Variants in COMMD1 observed in about 807,000 individuals in gnomAD.
COMMD1 encodes the protein COMM domain-containing protein 1.
Under a neutral mutation model 17.2 loss-of-function variants are expected in COMMD1, and 10 were observed. The ratio of observed to expected loss-of-function variants is 0.58; its 90% CI spans 0.36 to 0.99. COMMD1 has a LOEUF of 0.99. Ranked by LOEUF, COMMD1 falls within the 50% of genes least tolerant of loss-of-function variation. The pLI, the probability that COMMD1 is intolerant of heterozygous loss-of-function variation, is 0.01. For synonymous variants in COMMD1, 97 were observed against 91.6 expected (o/e 1.06, Z -0.34); for missense variants, 270 against 231.8 (o/e 1.17, Z -1.07).
chr2:61,990,695 A>T (rs952020464), intron 1 of COMMD1, among the ~76,000 whole-genome samples: 2 of 151,232 alleles, frequency 1.3e-5, no homozygotes, highest in Non-Finnish European at 2.9e-5. Context: ...GTGCAGGGAA[A>T]CTCCCATTTT....
intron 2 of COMMD1, among the ~76,000 whole-genome samples, chr2:62,096,045 C>A (rs1272626746): frequency 6.6e-6 from 1 of 151,058 alleles, no homozygotes; most frequent in African/African-American, 2.4e-5. Context: ...ATTCCATATT[C>A]AAAAGTTTGT....
chr2:62,031,430 A>G (rs1239478015), intron 2 of COMMD1, among the ~76,000 whole-genome samples: 2 of 152,210 alleles, frequency 1.3e-5, no homozygotes, highest in East Asian at 3.8e-4. Flanking sequence ...TTTCTATCCC[A>G]TTAATTGGCT....
At chr2:62,119,974 AT>A (rs530811518) in intron 2 of COMMD1, among the ~76,000 whole-genome samples, 96 of 151,792 alleles carry the variant, frequency 6.3e-4, no homozygotes, top group South Asian at 1.7e-3. Context: ...TTGTTTATTT[AT>A]TTTTTTTATT....
At chr2:62,081,388 A>G (rs900935108) in intron 2 of COMMD1, among the ~76,000 whole-genome samples, 2 of 151,778 alleles carry the variant, frequency 1.3e-5, no homozygotes, top group Non-Finnish European at 2.9e-5. Flanking sequence ...AATAGCTAGG[A>G]TTACAGGAAT....
At chr2:61,930,891 A>G (rs753219431) in intron 1 of COMMD1, among the ~76,000 whole-genome samples, 6 of 152,142 alleles carry the variant, frequency 3.9e-5, no homozygotes, top group African/African-American at 1.2e-4. Flanking sequence ...CTGCCTAGGT[A>G]TGCTAACTCA....
chr2:62,025,033 C>T (rs1669718203), intron 2 of COMMD1, among the ~76,000 whole-genome samples: 1 of 152,116 alleles, frequency 6.6e-6, no homozygotes, highest in Non-Finnish European at 1.5e-5. Context: ...TCAAGACCAG[C>T]CTGGCCAAGA....
chr2:62,064,992 CCCCATCTCT>C (rs1670987564), intron 2 of COMMD1, among the ~76,000 whole-genome samples: 2 of 152,076 alleles, frequency 1.3e-5, no homozygotes, highest in Non-Finnish European at 2.9e-5. Flanking sequence ...CATGGCGAAA[CCCCATCTCT>C]ACTAAAAAAT....
At chr2:61,976,199 A>G (rs1175135168) in intron 1 of COMMD1, among the ~76,000 whole-genome samples, 1 of 104,128 alleles carries the variant, frequency 9.6e-6, no homozygotes, top group Admixed American at 9.2e-5. Flanking sequence ...TAGAGTAACT[A>G]AAAAAAAAAA....
upstream of COMMD1, among the ~76,000 whole-genome samples, chr2:61,904,152 A>G (rs1013124869): frequency 6.6e-6 from 1 of 151,676 alleles, no homozygotes; most frequent in African/African-American, 2.4e-5. Flanking sequence ...CTGGGACTAC[A>G]GGCGCCCGCC....
chr2:62,042,713 A>T (rs945451412), intron 2 of COMMD1, among the ~76,000 whole-genome samples: 3 of 152,176 alleles, frequency 2.0e-5, no homozygotes, highest in Admixed American at 2.0e-4. Context: ...GAGGCTGAGG[A>T]GGTGCCGAGA....
upstream of COMMD1, among the ~76,000 whole-genome samples, chr2:61,904,838 C>A (rs1395870782): frequency 6.6e-6 from 1 of 152,182 alleles, no homozygotes; most frequent in Non-Finnish European, 1.5e-5. Flanking sequence ...CAGTCACTAC[C>A]CATTCGTCCC....
At position 61,921,938 on chromosome 2, in the gene COMMD1, A is replaced by T. The variant is rs181753936; in HGVS notation, c.180+16080A>T. 1.1e-3 allele frequency among the ~76,000 whole-genome samples: 169 copies of T among 151,898 alleles called. 1 individual carries two copies. The highest frequency in any genetic ancestry group is 6.8e-3 in the Middle Eastern group (2 of 294). ...ACAGTTATTCTTGTTCTTTATTTAA[A>T]TTTTTTTTCCAGGACCACTAGTAAG... is the stretch of plus-strand genomic sequence containing the variant. On this transcript the variant is annotated intron_variant, in intron 1 of 2. Transcript: ENST00000311832.
intron 1 of COMMD1, among the ~76,000 whole-genome samples, chr2:61,960,333 C>T (rs947876704): frequency 3.3e-5 from 5 of 151,988 alleles, no homozygotes; most frequent in African/African-American, 7.3e-5. Flanking sequence ...AATACAGTGG[C>T]GGGGGAGTTG....
At chr2:62,015,712 T>TC (rs1445989822) in intron 2 of COMMD1, among the ~76,000 whole-genome samples, 2 of 146,670 alleles carry the variant, frequency 1.4e-5, no homozygotes, top group Non-Finnish European at 3.0e-5. Flanking sequence ...TTTTTTTTCT[T>TC]TTTTTTTTTT....
At chr2:62,030,336 C>T (rs754246213) in intron 2 of COMMD1, among the ~76,000 whole-genome samples, 2 of 152,062 alleles carry the variant, frequency 1.3e-5, no homozygotes, top group Admixed American at 6.6e-5. Context: ...TGGCTGACCT[C>T]GGGGGAGAAT....
Position 61,921,343 on chromosome 2 carries a change from A to G in COMMD1, c.180+15485A>G, listed in dbSNP as rs866852516. Among the ~76,000 whole-genome samples the G allele has an allele frequency of 4.3e-4, 66 of 152,298 alleles. No homozygotes were observed. In the Middle Eastern group the frequency reaches 0.01, roughly 24 times the overall value. ...TTTGTAACCATTTAAAATGTGTTAA[A>G]TTCTTGGCTTTAGTCATTTACAGAA... is the stretch of plus-strand genomic sequence containing the variant. On this transcript the variant is annotated intron_variant, in intron 1 of 2. Coordinates refer to ENST00000311832, the MANE Select transcript of COMMD1 (RefSeq NM_152516.4).
chr2:61,962,989 C>T (rs1409678057), intron 1 of COMMD1, among the ~76,000 whole-genome samples: 2 of 151,726 alleles, frequency 1.3e-5, no homozygotes, highest in Non-Finnish European at 2.9e-5. Context: ...GGTGAAACCC[C>T]ATCTCTACTA....
intron 1 of COMMD1, among the ~76,000 whole-genome samples, chr2:61,962,183 G>A (rs568040188): frequency 6.6e-6 from 1 of 152,238 alleles, no homozygotes; most frequent in African/African-American, 2.4e-5. Context: ...TATCTGTTAA[G>A]TTTATTTTCC....
chr2:61,894,655 A>T (rs552698098), intron 1 of COMMD1, among the ~76,000 whole-genome samples: 2 of 151,456 alleles, frequency 1.3e-5, no homozygotes, highest in African/African-American at 4.8e-5. Flanking sequence ...AATTAAAAAA[A>T]ATAGAATGAT....
Sources: gnomAD v4.1 joint callset for allele counts (sites outside exome capture counted in the v4.1 genomes callset) on GRCh38, gnomAD v4.1.1 for gene constraint, MANE v1.5 for transcripts, NCBI Gene and HGNC (gene_info 2026-07-23, HGNC 2026-07-21) for gene names.